Variants in RPRD1A observed in about 807,000 individuals in gnomAD.
RPRD1A encodes regulation of nuclear pre-mRNA domain-containing protein 1A.
A neutral mutation model predicts 37.8 loss-of-function variants in RPRD1A; 9 were observed. That is an observed-to-expected ratio of 0.24 (90% CI 0.14 to 0.42). The LOEUF is 0.42. RPRD1A is among the 10% of genes least tolerant of loss of function. RPRD1A has a pLI of 1.00. For missense variants in RPRD1A, 255 were observed against 371.0 expected (o/e 0.69, Z 2.57); for synonymous variants, 138 against 139.7 (o/e 0.99, Z 0.08).
chr18:36,045,061 G>A (rs1742454025), intron 1 of RPRD1A, among the ~76,000 whole-genome samples: 1 of 152,046 alleles, frequency 6.6e-6, no homozygotes, highest in African/African-American at 2.4e-5. Context: ...GCAACGTGAA[G>A]AAACCCTGTC....
At chr18:36,044,070 A>G (rs895975573) in intron 1 of RPRD1A, among the ~76,000 whole-genome samples, 2 of 152,240 alleles carry the variant, frequency 1.3e-5, no homozygotes, top group African/African-American at 4.8e-5. Flanking sequence ...GAAAGAAAAC[A>G]TCTATTATTA....
chr18:36,003,946 G>T (rs201698525), intron 6 of RPRD1A, among the ~76,000 whole-genome samples: 1 of 148,076 alleles, frequency 6.8e-6, no homozygotes, highest in African/African-American at 2.5e-5. Context: ...CTACAGATGC[G>T]CACCACCACA....
intron 6 of RPRD1A, among the ~76,000 whole-genome samples, chr18:36,001,174 G>C (rs1345962861): frequency 6.6e-6 from 1 of 152,132 alleles, no homozygotes; most frequent in Non-Finnish European, 1.5e-5. Flanking sequence ...GGCAGAAACA[G>C]GCTAGTTCAA....
intron 6 of RPRD1A, among the ~76,000 whole-genome samples, chr18:36,016,439 T>G (rs1173441135): frequency 6.6e-6 from 1 of 152,190 alleles, no homozygotes; most frequent in Non-Finnish European, 1.5e-5. Flanking sequence ...GTCAGGCTGG[T>G]CTTGAACTCC....
At chr18:36,007,618 C>T (rs369064589) in intron 6 of RPRD1A, among the ~76,000 whole-genome samples, 2 of 152,208 alleles carry the variant, frequency 1.3e-5, no homozygotes, top group East Asian at 1.9e-4. Flanking sequence ...CCAAAATCAA[C>T]ATCATAATTT....
chr18:36,005,347 AC>A (rs1253777014), intron 6 of RPRD1A, among the ~76,000 whole-genome samples: 1 of 152,106 alleles, frequency 6.6e-6, no homozygotes, highest in Non-Finnish European at 1.5e-5. Flanking sequence ...ACTATTTAAA[AC>A]AAAAAAAGAA....
chr18:36,033,200 G>A (rs1157080252), intron 2 of RPRD1A, among the ~76,000 whole-genome samples: 4 of 150,794 alleles, frequency 2.7e-5, no homozygotes, highest in South Asian at 2.1e-4. Context: ...TACTTGCGAG[G>A]CTGAAGTAGG....
chr18:36,010,943 T>G lies in RPRD1A; in HGVS notation c.789+15957A>C, dbSNP rs555384607. Among the ~76,000 whole-genome samples, 5 of 152,304 alleles carry G rather than the reference T, an allele frequency of 3.3e-5. 1 individual carries two copies. The South Asian group carries it at 1.0e-3, about 32-fold the overall frequency. On this transcript the variant is annotated intron_variant, in intron 6 of 6. Coordinates refer to ENST00000399022, the MANE Select transcript of RPRD1A (RefSeq NM_018170.5). ...GTTGCAATCACTGAGATACTAAGAT[T>G]TAACTAGCAAAACAAACACTTCCTC...
At chr18:36,028,880 G>A (rs1033580551) in intron 4 of RPRD1A, among the ~76,000 whole-genome samples, 3 of 152,188 alleles carry the variant, frequency 2.0e-5, no homozygotes, top group South Asian at 2.1e-4. Context: ...AGGAGAGGCA[G>A]ATGATTACTT....
intron 6 of RPRD1A, among the ~76,000 whole-genome samples, chr18:36,007,504 G>A (rs1426460465): frequency 2.6e-5 from 4 of 151,812 alleles, no homozygotes; most frequent in Non-Finnish European, 4.4e-5. Flanking sequence ...GGGATTCAGA[G>A]AAGGACACTG....
intron 6 of RPRD1A, among the ~76,000 whole-genome samples, chr18:36,008,823 C>G: frequency 6.6e-6 from 1 of 151,682 alleles, no homozygotes; most frequent in East Asian, 1.9e-4. Flanking sequence ...CTCACTTGTT[C>G]CACTCTCCTC....
intron 1 of RPRD1A, among the ~76,000 whole-genome samples, chr18:36,049,739 T>C (rs760856799): frequency 6.6e-6 from 1 of 152,222 alleles, no homozygotes; most frequent in African/African-American, 2.4e-5. Flanking sequence ...TGCTTTCACC[T>C]TTTGGCTGTT....
At chr18:36,038,176 T>C (rs1023180350) in intron 1 of RPRD1A, among the ~76,000 whole-genome samples, 51 of 152,310 alleles carry the variant, frequency 3.3e-4, no homozygotes, top group African/African-American at 1.2e-3. Flanking sequence ...GGGGAAAACG[T>C]CTCCAGGGCA....
intron 1 of RPRD1A, among the ~76,000 whole-genome samples, chr18:36,039,767 C>T (rs373322777): frequency 2.6e-5 from 4 of 152,254 alleles, no homozygotes; most frequent in Middle Eastern, 3.4e-3. Flanking sequence ...AGCTAAAATC[C>T]TGTTATCTAT....
At chr18:36,056,539 C>T (rs901823388) in intron 1 of RPRD1A, among the ~76,000 whole-genome samples, 1 of 152,150 alleles carries the variant, frequency 6.6e-6, no homozygotes, top group Non-Finnish European at 1.5e-5. Context: ...CTGCCCACTT[C>T]GGCCTCCCAA....
intron 1 of RPRD1A, among the ~76,000 whole-genome samples, chr18:36,039,095 T>C (rs1168123396): frequency 6.6e-6 from 1 of 152,082 alleles, no homozygotes; most frequent in Non-Finnish European, 1.5e-5. Context: ...GGTTTTGAAA[T>C]GTAAGAAGGA....
intron 6 of RPRD1A, among the ~76,000 whole-genome samples, chr18:36,014,024 T>C (rs767409521): frequency 3.9e-5 from 6 of 152,140 alleles, no homozygotes; most frequent in Non-Finnish European, 7.4e-5. Context: ...TTTTTGGTAC[T>C]CCACATTTTC....
intron 2 of RPRD1A, 46 bp from the exon 3 acceptor site, chr18:36,031,143 A>T (rs371875834): frequency 1.1e-4 from 165 of 1,475,442 alleles, no homozygotes; most frequent in Middle Eastern, 7.5e-4. Flanking sequence ...AACAGTAACA[A>T]TGCATAGTGT....
chr18:36,015,289 T>G (rs1221794004), intron 6 of RPRD1A, among the ~76,000 whole-genome samples: 12 of 150,636 alleles, frequency 8.0e-5, no homozygotes, highest in Non-Finnish European at 1.2e-4. Flanking sequence ...CTCCGCTCAC[T>G]GCAACCTCAG....
Sources: allele counts gnomAD v4.1 joint callset (sites outside exome capture counted in the v4.1 genomes callset), GRCh38; gene constraint gnomAD v4.1.1; transcripts MANE v1.5; gene names NCBI Gene and HGNC (gene_info 2026-07-23, HGNC 2026-07-21).